MYO9B: variants seen among roughly 807,000 people sequenced by gnomAD.
MYO9B encodes the protein unconventional myosin-IXb.
Under a neutral mutation model 229.5 loss-of-function variants are expected in MYO9B, and 71 were observed. That is an observed-to-expected ratio of 0.31 (90% CI 0.26 to 0.38). MYO9B has a LOEUF of 0.38. MYO9B is among the 10% of genes least tolerant of loss of function. The pLI is 1.00. For synonymous variants in MYO9B, 1,185 were observed against 1,235.8 expected (o/e 0.96, Z 0.86); for missense variants, 2,255 against 2,920.5 (o/e 0.77, Z 5.25).
At chr19:17,173,368 A>T (rs1242010957) in intron 13 of MYO9B, among the ~76,000 whole-genome samples, 1 of 145,372 alleles carries the variant, frequency 6.9e-6, no homozygotes, top group African/African-American at 2.6e-5. Context: ...GTAATGACGC[A>T]ATCTCGGCTC....
intron 2 of MYO9B, among the ~76,000 whole-genome samples, chr19:17,121,442 C>T (rs988465827): frequency 8.0e-6 from 1 of 124,234 alleles, no homozygotes; most frequent in East Asian, 2.0e-4. Flanking sequence ...ATATGTATTC[C>T]AAATATATAT....
intron 2 of MYO9B, among the ~76,000 whole-genome samples, chr19:17,141,605 CCA>C (rs1599364164): frequency 1.3e-5 from 2 of 152,174 alleles, no homozygotes; most frequent in African/African-American, 4.8e-5. Context: ...CTTCCGCCAG[CCA>C]CCACCTCTTC....
chr19:17,092,931 C>G (rs1457428271), intron 1 of MYO9B, among the ~76,000 whole-genome samples: 2 of 152,088 alleles, frequency 1.3e-5, no homozygotes, highest in Non-Finnish European at 2.9e-5. Context: ...TGTTTGTATA[C>G]TGTATGCACA....
intron 15 of MYO9B, among the ~76,000 whole-genome samples, chr19:17,183,179 C>T (rs1261682142): frequency 6.6e-6 from 1 of 152,240 alleles, no homozygotes; most frequent in Non-Finnish European, 1.5e-5. Context: ...ACCTCAGCCT[C>T]CCAAAGTGCT....
At chr19:17,141,459 G>A (rs530888187) in intron 2 of MYO9B, among the ~76,000 whole-genome samples, 4 of 152,252 alleles carry the variant, frequency 2.6e-5, no homozygotes, top group East Asian at 1.9e-4. Flanking sequence ...CAAACCTAGC[G>A]GTCACAAGGA....
At chr19:17,118,903 A>T (rs888481129) in intron 2 of MYO9B, among the ~76,000 whole-genome samples, 4 of 152,158 alleles carry the variant, frequency 2.6e-5, no homozygotes, top group Non-Finnish European at 5.9e-5. Context: ...GAAGACGACA[A>T]GGGCAGGCAG....
At chr19:17,198,757 A>T (rs2073074953) in intron 24 of MYO9B, among the ~76,000 whole-genome samples, 1 of 148,190 alleles carries the variant, frequency 6.7e-6, no homozygotes, top group Non-Finnish European at 1.5e-5. Flanking sequence ...AAAAAAAAAA[A>T]GCCTCTAGGG....
Position 17,195,318 on chromosome 19 carries a change from C to G in MYO9B, c.3891C>G (p.Ile1297Met). The change falls in exon 22 of 40, where the codon ATC becomes ATG. Residue 1297 changes from isoleucine (I) to methionine (M), a missense_variant. Around this residue, in one of 7 missense-constraint regions of MYO9B, gnomAD observed 679 missense variants for 770.2 expected, o/e 0.88. Coordinates refer to ENST00000682292, the MANE Select transcript of MYO9B (RefSeq NM_004145.4). This position sits in a 1 kb window ranked among gnomAD's most constrained non-coding sequence, Gnocchi z 4.5. Reference protein sequence around the residue: ...KPDSPGGSTQIQRYLDAERLA... With the variant: ...KPDSPGGSTQMQRYLDAERLA... ...ACAGCCCCGGAGGCTCCACGCAGAT[C>G]CAGCGGTACCTGGACGCCGAGCGGC... 1 of 1,612,592 alleles carries G rather than the reference C, an allele frequency of 6.2e-7. No homozygotes were observed. The highest frequency in any genetic ancestry group is 8.5e-7 in the Non-Finnish European group (1 of 1,179,738).
intron 9 of MYO9B, 126 bp from the exon 10 acceptor site, chr19:17,162,862 T>C: frequency 1.9e-6 from 2 of 1,056,244 alleles, no homozygotes; most frequent in Non-Finnish European, 2.7e-6. Context: ...AATGGCAAAG[T>C]GTTCTGCCGA....
At chr19:17,181,564 G>A (rs2072860948) in intron 15 of MYO9B, among the ~76,000 whole-genome samples, 1 of 152,196 alleles carries the variant, frequency 6.6e-6, no homozygotes, top group Non-Finnish European at 1.5e-5. Flanking sequence ...GCCTGCAAAT[G>A]GGGTAATGAC....
intron 2 of MYO9B, among the ~76,000 whole-genome samples, chr19:17,116,987 AAG>A (rs1173806933): frequency 6.6e-6 from 1 of 152,176 alleles, no homozygotes; most frequent in Non-Finnish European, 1.5e-5. Context: ...TGCTGCATCT[AAG>A]AGAAGAGTGA....
At chr19:17,180,037 T>C (rs2072838970) in intron 14 of MYO9B, among the ~76,000 whole-genome samples, 1 of 151,678 alleles carries the variant, frequency 6.6e-6, no homozygotes, top group Non-Finnish European at 1.5e-5. Context: ...GTTCAAGACC[T>C]CCCTGACCAA....
chr19:17,204,258 C>G (rs1421826229), intron 30 of MYO9B, among the ~76,000 whole-genome samples: 1 of 151,846 alleles, frequency 6.6e-6, no homozygotes, highest in Non-Finnish European at 1.5e-5. Flanking sequence ...GCTGGGTGGC[C>G]TGGGATTCAG....
intron 1 of MYO9B, among the ~76,000 whole-genome samples, chr19:17,094,039 G>GTTGTTT (rs1374354436): frequency 3.4e-5 from 3 of 88,718 alleles, no homozygotes; most frequent in African/African-American, 1.6e-4. Context: ...TGTTGTTGTT[G>GTTGTTT]TTGTTGTTGT....
At chr19:17,192,647 G>A (rs1307389539) in intron 20 of MYO9B, 99 bp from the exon 21 acceptor site, 2 of 995,198 alleles carry the variant, frequency 2.0e-6, no homozygotes, top group Non-Finnish European at 2.8e-6. Flanking sequence ...CAGCACACCA[G>A]CCTAGGTCTC....
At chr19:17,149,906 A>G (rs1311512493) in intron 3 of MYO9B, among the ~76,000 whole-genome samples, 5 of 152,236 alleles carry the variant, frequency 3.3e-5, no homozygotes, top group African/African-American at 1.2e-4. Context: ...AATCGGCCAC[A>G]GGCTGAGATT....
chr19:17,192,301 G>A (rs1456773382), intron 20 of MYO9B, among the ~76,000 whole-genome samples: 8 of 143,896 alleles, frequency 5.6e-5, no homozygotes, highest in Non-Finnish European at 9.1e-5. Flanking sequence ...AAAAAAAAAA[G>A]GGGGGGCCAC....
intron 33 of MYO9B, 107 bp downstream of exon 33, chr19:17,206,483 C>T: frequency 6.7e-7 from 1 of 1,486,058 alleles, no homozygotes; most frequent in South Asian, 1.3e-5. Context: ...AACTGAGAAA[C>T]TGAGGCCCAA....
chr19:17,176,341 TTG>T (rs898033200), intron 14 of MYO9B, among the ~76,000 whole-genome samples: 27 of 150,528 alleles, frequency 1.8e-4, no homozygotes, highest in African/African-American at 6.4e-4. Context: ...CTGCCTAATT[TTG>T]TATTTTTAGT....
Sources: allele counts gnomAD v4.1 joint callset (sites outside exome capture counted in the v4.1 genomes callset), GRCh38; gene constraint gnomAD v4.1.1; regional missense constraint gnomAD v4.1.1; non-coding constraint Gnocchi (gnomAD v3.1); transcripts MANE v1.5; gene names NCBI Gene and HGNC (gene_info 2026-07-23, HGNC 2026-07-21).